Variants in SMCHD1 observed in about 807,000 individuals in gnomAD.
SMCHD1 encodes the protein structural maintenance of chromosomes flexible hinge domain-containing protein 1.
A neutral mutation model predicts 254.7 loss-of-function variants in SMCHD1; 78 were observed. The observed-to-expected ratio is 0.31, with a 90% CI of 0.26 to 0.37. The LOEUF (loss-of-function observed/expected upper bound fraction) is 0.37, where lower values mean the gene tolerates loss of function less well. SMCHD1 is among the 10% of genes least tolerant of loss of function. The probability of loss-of-function intolerance (pLI) is 1.00; values close to 1 mark genes in which losing one functional copy is unlikely to be tolerated. For missense variants in SMCHD1, 1,840 were observed against 2,408.1 expected (o/e 0.76, Z 4.94); for synonymous variants, 766 against 794.9 (o/e 0.96, Z 0.61).
At chr18:2,737,537 A>T (rs535644666) in intron 25 of SMCHD1, among the ~76,000 whole-genome samples, 1 of 151,840 alleles carries the variant, frequency 6.6e-6, no homozygotes, top group Non-Finnish European at 1.5e-5. Flanking sequence ...CCTGGGCAAC[A>T]TAGTGAGACC....
At chr18:2,679,632 TTC>T (rs1163449501) in intron 5 of SMCHD1, among the ~76,000 whole-genome samples, 1 of 152,204 alleles carries the variant, frequency 6.6e-6, no homozygotes, top group African/African-American at 2.4e-5. Context: ...AACAAATTGC[TTC>T]TCTCACTGCT....
chr18:2,702,840 G>C (rs1290178887), intron 12 of SMCHD1, among the ~76,000 whole-genome samples: 1 of 152,064 alleles, frequency 6.6e-6, no homozygotes, highest in Admixed American at 6.6e-5. Context: ...GTATATTATG[G>C]TATAAGGTAC....
chr18:2,769,926 T>TA, intron 38 of SMCHD1, 63 bp from the exon 39 acceptor site: 2 of 1,533,282 alleles, frequency 1.3e-6, no homozygotes, highest in East Asian at 2.4e-5. Flanking sequence ...CTAACCACTT[T>TA]ATGACATATT....
chr18:2,747,638 C>A lies in SMCHD1; in HGVS notation c.3918C>A (p.Ser1306Arg). ...TTAAAATAAGTCTTACAAAAGCTAGCAATTTAAAGGTAAGTTTTAAACTTC... is the reference window on the plus strand; with the variant it reads ...TTAAAATAAGTCTTACAAAAGCTAGAAATTTAAAGGTAAGTTTTAAACTTC... ...QHVKISLTKA[S>R]NLKLMPSNQQ... Residue 1306 changes from serine to arginine, a missense_variant, in exon 30 of 48, where the codon AGC becomes AGA. Physicochemically the swap from Ser to Arg is moderately radical, Grantham distance 110 (BLOSUM62 -1). Transcript: ENST00000320876. The A allele has an allele frequency of 6.3e-7, 1 of 1,581,922 alleles. No individual in the cohort carries two copies. The highest frequency in any genetic ancestry group is 8.6e-7 in the Non-Finnish European group (1 of 1,162,894).
intron 1 of SMCHD1, among the ~76,000 whole-genome samples, chr18:2,663,663 A>T (rs2073356683): frequency 6.6e-6 from 1 of 151,672 alleles, no homozygotes; most frequent in Admixed American, 6.6e-5. Flanking sequence ...CTCTGCATCC[A>T]TATATATGTG....
At chr18:2,662,513 C>T (rs1165943320) in intron 1 of SMCHD1, among the ~76,000 whole-genome samples, 1 of 151,638 alleles carries the variant, frequency 6.6e-6, no homozygotes, top group African/African-American at 2.4e-5. Context: ...GGTGTGGTGG[C>T]ACACGCCTGT....
chr18:2,771,486 T>G, intron 39 of SMCHD1, 47 bp from the exon 40 acceptor site: 1 of 1,351,984 alleles, frequency 7.4e-7, no homozygotes, highest in Non-Finnish European at 1.0e-6. Context: ...AAACTATGAT[T>G]TGGGGGCTAT....
Position 2,708,907 on chromosome 18 carries a change from T to TATATATATATATATATATATATAAA in SMCHD1, c.2260+988_2260+989insTATATATATATATATATATATAAAA, listed in dbSNP as rs769432583. Among the ~76,000 whole-genome samples, 16 of 44,700 alleles carry TATATATATATATATATATATATAAA rather than the reference T, an allele frequency of 3.6e-4. 2 individuals are homozygous for TATATATATATATATATATATATAAA. Among genetic ancestry groups the TATATATATATATATATATATATAAA allele is most frequent in the African/African-American group, 1.3e-3 (16 of 11,888 alleles). The allele number at this position is 44,700 out of a possible 152,430, so 29.3% of individuals were successfully genotyped here. A position where few individuals can be genotyped will look rare whatever the true frequency, so the allele number is the denominator to read the frequency against. ...ATATATATATATATATATATATATA[T>TATATATATATATATATATATATAAA]AACATATTAACATGAAATTTATGAA... is the stretch of plus-strand genomic sequence containing the variant. On this transcript the variant is annotated intron_variant, in intron 17 of 47. Transcript: ENST00000320876.
At chr18:2,769,648 TTC>T (rs1269800820) in intron 37 of SMCHD1, 44 bp from the exon 38 acceptor site, 1 of 1,545,742 alleles carries the variant, frequency 6.5e-7, no homozygotes, top group South Asian at 1.2e-5. Flanking sequence ...GTTGTAAATT[TTC>T]TTTTTAAATC....
At chr18:2,662,107 C>G (rs1329400130) in intron 1 of SMCHD1, among the ~76,000 whole-genome samples, 1 of 135,456 alleles carries the variant, frequency 7.4e-6, no homozygotes, top group Non-Finnish European at 1.5e-5. Flanking sequence ...TGCAGTGAGC[C>G]GAGATTGCGC....
intron 19 of SMCHD1, among the ~76,000 whole-genome samples, chr18:2,719,961 C>G (rs1401784197): frequency 6.6e-6 from 1 of 151,778 alleles, no homozygotes; most frequent in Non-Finnish European, 1.5e-5. Flanking sequence ...AGATGTTAGC[C>G]ACCGCACGTG....
At chr18:2,729,857 G>A (rs945609601) in intron 24 of SMCHD1, among the ~76,000 whole-genome samples, 4 of 151,746 alleles carry the variant, frequency 2.6e-5, no homozygotes, top group African/African-American at 7.3e-5. Context: ...TATAGACAAG[G>A]ACCAATGCAC....
At chr18:2,793,273 G>T (rs2076198220) in intron 45 of SMCHD1, among the ~76,000 whole-genome samples, 1 of 152,100 alleles carries the variant, frequency 6.6e-6, no homozygotes, top group African/African-American at 2.4e-5. Context: ...GTTTCTAGTA[G>T]CTTCACATAG....
chr18:2,673,614 A>G (rs981108505), intron 4 of SMCHD1, among the ~76,000 whole-genome samples: 2 of 152,178 alleles, frequency 1.3e-5, no homozygotes, highest in Non-Finnish European at 2.9e-5. Flanking sequence ...CATATCATGA[A>G]TGTTCTGCAA....
rs780819919 is a variant in SMCHD1 at position 2,700,880 on chromosome 18, G to GATA, written c.1611_1613dup (p.Asp537_Lys538insAsn). The GATA allele has an allele frequency of 6.2e-7, 1 of 1,609,486 alleles. No individual in the cohort carries two copies. Among genetic ancestry groups the GATA allele is most frequent in the African/African-American group, 1.3e-5 (1 of 74,826 alleles). ...TATGGATCTTGAGCTAAAATTGAAA[G>GATA]ATAAGAACACCCTTTTTACAAGGAT... is the stretch of plus-strand genomic sequence containing the variant. On this transcript the variant is annotated inframe_insertion, in exon 12 of 48. Transcript: ENST00000320876.
intron 3 of SMCHD1, among the ~76,000 whole-genome samples, chr18:2,669,436 T>A (rs2073534555): frequency 6.6e-6 from 1 of 152,202 alleles, no homozygotes; most frequent in Non-Finnish European, 1.5e-5. Context: ...TGGCCTCAAA[T>A]TATTCTCCTG....
In SMCHD1 at chr18:2,782,744, C is replaced by CAAAAAAAAA. The variant is rs779083565; in HGVS notation, c.5548-1686_5548-1678dup. ...TGGGCAACAGAGCGAGACCACAACTCAAAAAAAAAAAAAAAAAAAAAAAAA... is the reference window on the plus strand; with the variant it reads ...TGGGCAACAGAGCGAGACCACAACTCAAAAAAAAAAAAAAAAAAAAAAAAAAAAAAAAAA... On this transcript the variant is annotated intron_variant, in intron 44 of 47. Coordinates refer to ENST00000320876, the MANE Select transcript of SMCHD1 (RefSeq NM_015295.3). 1.1e-3 allele frequency among the ~76,000 whole-genome samples: 48 copies of CAAAAAAAAA among 44,966 alleles called. 1 individual carries two copies. The highest frequency in any genetic ancestry group is 2.0e-3 in the African/African-American group (21 of 10,484). 29.5% of individuals were successfully genotyped at this position (44,966 alleles called of 152,430 possible).
chr18:2,788,179 T>G (rs545616562), intron 45 of SMCHD1, among the ~76,000 whole-genome samples: 41 of 152,350 alleles, frequency 2.7e-4, no homozygotes, highest in South Asian at 2.3e-3. Context: ...AGCACAGTTA[T>G]AAGCAAAGTA....
chr18:2,779,010 G>A (rs1289792111), intron 44 of SMCHD1: 3 of 152,152 alleles, frequency 2.0e-5, no homozygotes, highest in Non-Finnish European at 2.9e-5. Flanking sequence ...ATCTAACTCT[G>A]TTTTATTCTT....
Sources: allele counts gnomAD v4.1 joint callset (sites outside exome capture counted in the v4.1 genomes callset), GRCh38; gene constraint gnomAD v4.1.1; transcripts MANE v1.5; gene names NCBI Gene and HGNC (gene_info 2026-07-23, HGNC 2026-07-21).